SPG11: variants seen among roughly 807,000 people sequenced by gnomAD.
SPG11 encodes the protein spatacsin.
Under a neutral mutation model 274.0 loss-of-function variants are expected in SPG11, and 222 were observed. The ratio of observed to expected loss-of-function variants is 0.81; its 90% CI spans 0.73 to 0.91. The LOEUF (loss-of-function observed/expected upper bound fraction) is 0.91. Ranked by LOEUF, SPG11 falls within the 40% of genes least tolerant of loss-of-function variation. SPG11 has a pLI of 0.00. For synonymous variants in SPG11, 1,144 were observed against 1,039.7 expected, an observed-to-expected ratio of 1.10 and a Z score of -1.93; for missense variants, 3,114 against 2,872.7, an observed-to-expected ratio of 1.08 and a Z score of -1.92.
intron 10 of SPG11, among the ~76,000 whole-genome samples, chr15:44,627,139 G>A (rs770681136): frequency 3.3e-5 from 5 of 152,136 alleles, no homozygotes; most frequent in African/African-American, 4.8e-5. Flanking sequence ...AAGATGTGAT[G>A]TAATCAGATA....
intron 31 of SPG11, among the ~76,000 whole-genome samples, chr15:44,574,638 TATAGATG>T (rs2082495970): frequency 6.6e-6 from 1 of 152,178 alleles, no homozygotes; most frequent in Non-Finnish European, 1.5e-5. Context: ...AATCATCATT[TATAGATG>T]ACGAAACAGG....
At position 44,608,487 on chromosome 15, in the gene SPG11, G is replaced by C; in HGVS notation, c.3410C>G (p.Pro1137Arg). ...TGTAATATCAGATGGCAGGACACTA[G>C]GAGGAGTGCACTGTGGGAAGAGAGC... ...KTALFPQCTPPSVLPSDITIY... is the reference protein window; with the variant it reads ...KTALFPQCTPRSVLPSDITIY... The change falls in exon 19 of 40, where the codon CCT becomes CGT. Residue 1137 changes from proline (P) to arginine (R), a missense_variant. Pro to Arg is a moderately radical substitution (Grantham distance 103). Coordinates refer to ENST00000261866, the MANE Select transcript of SPG11 (RefSeq NM_025137.4). 6.2e-7 allele frequency: 1 copy of C among 1,614,122 alleles called. No homozygotes were observed. Among genetic ancestry groups the C allele is most frequent in the African/African-American group, 1.3e-5 (1 of 75,034 alleles).
At chr15:44,592,567 C>T in intron 26 of SPG11, 129 bp from the exon 27 acceptor site, 1 of 692,576 alleles carries the variant, frequency 1.4e-6, no homozygotes. Flanking sequence ...GCCTGTAATG[C>T]CAGCACTTTG....
At chr15:44,659,843 T>A (rs1200725477) in intron 2 of SPG11, among the ~76,000 whole-genome samples, 1 of 152,258 alleles carries the variant, frequency 6.6e-6, no homozygotes, top group African/African-American at 2.4e-5. Flanking sequence ...GGCAGATCAC[T>A]TGAGGTCAGG....
chr15:44,575,304 A>G, intron 30 of SPG11: 1 of 436,288 alleles, frequency 2.3e-6, no homozygotes. Context: ...ATCAGCACCA[A>G]AGATGCTTGC....
At chr15:44,606,900 G>C (rs1339579339) in intron 19 of SPG11, among the ~76,000 whole-genome samples, 2 of 152,164 alleles carry the variant, frequency 1.3e-5, no homozygotes, top group African/African-American at 4.8e-5. Flanking sequence ...TTTACGTAGT[G>C]AAACTATGTT....
chr15:44,612,689 C>G (rs939345031), intron 17 of SPG11, among the ~76,000 whole-genome samples: 2 of 152,178 alleles, frequency 1.3e-5, no homozygotes, highest in Non-Finnish European at 2.9e-5. Context: ...AGCCACCACA[C>G]CTGGCCAGTA....
chr15:44,598,872 T>C (rs1342658105), intron 21 of SPG11, 36 bp from the exon 22 acceptor site: 18 of 1,589,244 alleles, frequency 1.1e-5, no homozygotes, highest in Non-Finnish European at 1.3e-5. Flanking sequence ...CATCAGCACA[T>C]GAAAATTATG....
At chr15:44,570,800 G>T in intron 33 of SPG11, 142 bp from the exon 34 acceptor site, 1 of 1,016,004 alleles carries the variant, frequency 9.8e-7, no homozygotes, top group Non-Finnish European at 1.5e-6. Flanking sequence ...CGAAGTCCCT[G>T]AACTTAGCAG....
At chr15:44,583,333 C>G (rs922400148) in intron 30 of SPG11, among the ~76,000 whole-genome samples, 1 of 152,154 alleles carries the variant, frequency 6.6e-6, no homozygotes, top group African/African-American at 2.4e-5. Flanking sequence ...AAAAATTAGC[C>G]AGTAATCCCA....
chr15:44,597,401 T>G (rs1317937034), intron 23 of SPG11, among the ~76,000 whole-genome samples: 1 of 152,174 alleles, frequency 6.6e-6, no homozygotes, highest in African/African-American at 2.4e-5. Flanking sequence ...TGTGAGCCAC[T>G]GTGCCTGGCC....
At chr15:44,642,348 G>A (rs1422764099) in intron 7 of SPG11, among the ~76,000 whole-genome samples, 1 of 117,066 alleles carries the variant, frequency 8.5e-6, no homozygotes. Flanking sequence ...CTGGGTGACA[G>A]AGTAAGACTC....
intron 7 of SPG11, among the ~76,000 whole-genome samples, chr15:44,636,446 T>A: frequency 6.6e-6 from 1 of 151,410 alleles, no homozygotes; most frequent in Non-Finnish European, 1.5e-5. Context: ...AAGGTACAAT[T>A]AAAACAAATG....
At chr15:44,566,382 G>A in intron 36 of SPG11, 77 bp from the exon 37 acceptor site, 1 of 1,416,390 alleles carries the variant, frequency 7.1e-7, no homozygotes. Context: ...TTGTGATCGT[G>A]GCTAGAATAG....
intron 25 of SPG11, among the ~76,000 whole-genome samples, chr15:44,595,848 A>G (rs918925837): frequency 2.6e-5 from 4 of 152,338 alleles, no homozygotes; most frequent in South Asian, 2.1e-4. Context: ...GTGACTGCCA[A>G]CCAGAAACCA....
intron 35 of SPG11, among the ~76,000 whole-genome samples, chr15:44,568,513 A>AAAC (rs1470858983): frequency 6.6e-6 from 1 of 152,196 alleles, no homozygotes; most frequent in Non-Finnish European, 1.5e-5. Context: ...AATGTTCTGG[A>AAAC]AACAGGTACT....
Position 44,652,266 on chromosome 15 carries a change from C to T in SPG11, c.870G>A (p.Arg290=), listed in dbSNP as rs2084805704. 1 of 1,613,758 alleles carries T rather than the reference C, an allele frequency of 6.2e-7. No individual in the cohort carries two copies. Among genetic ancestry groups the T allele is most frequent in the Admixed American group, 1.7e-5 (1 of 59,982 alleles). Residue 290 remains arginine, a splice_region_variant and synonymous_variant, in exon 5 of 40, where the codon AGG becomes AGA. Transcript: ENST00000261866. ...AVALNLNLYF[R]QHPGHLLCER... is the part of the protein sequence containing the mutation. ...CACACAGTAGGTGTCCTGGGTGTTG[C>T]CTACATTTAAAAATAATGATAGACA...
intron 30 of SPG11, among the ~76,000 whole-genome samples, chr15:44,580,257 G>A (rs375543927): frequency 2.0e-4 from 30 of 152,172 alleles, no homozygotes; most frequent in African/African-American, 6.5e-4. Context: ...GCCCAGGATC[G>A]GTAGGCTATA....
chr15:44,565,629 G>A (rs574574651), intron 38 of SPG11, among the ~76,000 whole-genome samples: 2 of 152,290 alleles, frequency 1.3e-5, no homozygotes, highest in South Asian at 4.1e-4. Flanking sequence ...TAACAGCACA[G>A]GAAAGGGAGA....
Sources: allele counts gnomAD v4.1 joint callset (sites outside exome capture counted in the v4.1 genomes callset), GRCh38; gene constraint gnomAD v4.1.1; transcripts MANE v1.5; gene names NCBI Gene and HGNC (gene_info 2026-07-23, HGNC 2026-07-21).